PDCD11: variants seen among roughly 807,000 people sequenced by gnomAD.
PDCD11 encodes the protein programmed cell death 11.
Under a neutral mutation model 198.9 loss-of-function variants are expected in PDCD11, and 97 were observed. The observed-to-expected ratio is 0.49, with a 90% CI of 0.41 to 0.58. PDCD11 has a LOEUF of 0.58. PDCD11 is among the 20% of genes least tolerant of loss of function. The pLI, the probability that PDCD11 is intolerant of heterozygous loss-of-function variation, is 0.00. For missense variants in PDCD11, 2,102 were observed against 2,312.7 expected, an observed-to-expected ratio of 0.91 and a Z score of 1.87; for synonymous variants, 893 against 918.0, an observed-to-expected ratio of 0.97 and a Z score of 0.49.
At chr10:103,411,509 A>G (rs748643316) in intron 8 of PDCD11, among the ~76,000 whole-genome samples, 195 of 151,892 alleles carry the variant, frequency 1.3e-3, no homozygotes, top group Middle Eastern at 3.4e-3. Flanking sequence ...GGGACTACGG[A>G]TGCATGCCAC....
At position 103,405,036 on chromosome 10, in the gene PDCD11, G is replaced by A; in HGVS notation, c.417G>A (p.Leu139=). The change falls in exon 5 of 36, where the codon TTG becomes TTA. Residue 139 remains leucine (L), a synonymous_variant. Coordinates refer to ENST00000369797, the MANE Select transcript of PDCD11 (RefSeq NM_014976.2). ...QEQPLKDLLH[L]PELFSPGMLV... ...GTGTTATGCAGGACCTACTTCACTT[G>A]CCTGAACTTTTCTCACCTGGAATGC... The A allele has an allele frequency of 1.2e-6, 2 of 1,613,900 alleles. No individual in the cohort carries two copies. Among genetic ancestry groups the A allele is most frequent in the South Asian group, 2.2e-5 (2 of 91,066 alleles).
intron 7 of PDCD11, among the ~76,000 whole-genome samples, 196 bp from the exon 8 acceptor site, chr10:103,409,503 A>G (rs1281448770): frequency 1.3e-5 from 2 of 152,148 alleles, no homozygotes; most frequent in Non-Finnish European, 2.9e-5. Flanking sequence ...TGAGCCTACT[A>G]AGGAAAGAAA....
chr10:103,409,663 G>T lies in PDCD11; in HGVS notation c.871-36G>T, dbSNP rs781618555. ...GTCTCACATTCCTGGTTCTTTCAAA[G>T]AACTTTTTTTTATAACTTGTTCTGT... On this transcript the variant is annotated intron_variant, in intron 7 of 35. Transcript: ENST00000369797. 23 of 1,510,782 alleles carry T rather than the reference G, an allele frequency of 1.5e-5. No individual in the cohort carries two copies. In the East Asian group the frequency reaches 2.9e-4, roughly 19 times the overall value. 93.6% of individuals were successfully genotyped at this position (1,510,782 alleles called of 1,614,324 possible). A position where few individuals can be genotyped will look rare whatever the true frequency, so the allele number is the denominator to read the frequency against.
Position 103,446,014 on chromosome 10 carries a change from C to T in PDCD11, c.*465C>T, listed in dbSNP as rs2032592951. The stretch of plus-strand genomic sequence containing the variant: ...CTGGGTGTTCCTTCAGCCTCAGCCT[C>T]ACTGGTACCTTCTGCCCTTTAGGGG... On this transcript the variant is annotated 3_prime_UTR_variant, in exon 36 of 36. Coordinates refer to ENST00000369797, the MANE Select transcript of PDCD11 (RefSeq NM_014976.2). 1 of 162,410 alleles carries T rather than the reference C, an allele frequency of 6.2e-6. No homozygotes were observed. Among genetic ancestry groups the T allele is most frequent in the Non-Finnish European group, 1.4e-5 (1 of 73,474 alleles). 10.1% of individuals were successfully genotyped at this position (162,410 alleles called of 1,614,324 possible).
chr10:103,402,349 G>A (rs1227016833), intron 3 of PDCD11, among the ~76,000 whole-genome samples: 1 of 152,062 alleles, frequency 6.6e-6, no homozygotes. Flanking sequence ...TACAGTGCTC[G>A]GTCAGATATT....
At chr10:103,424,006 C>G (rs1303602585) in intron 19 of PDCD11, among the ~76,000 whole-genome samples, 1 of 152,128 alleles carries the variant, frequency 6.6e-6, no homozygotes, top group Non-Finnish European at 1.5e-5. Context: ...TCAGTCCCGC[C>G]CAATTGTTGC....
At chr10:103,445,129 G>A (rs2032550403) in intron 35 of PDCD11, among the ~76,000 whole-genome samples, 1 of 152,174 alleles carries the variant, frequency 6.6e-6, no homozygotes, top group Admixed American at 6.5e-5. Flanking sequence ...ATCACTGTGT[G>A]GCTTTAGGCA....
rs778717527 is a variant in PDCD11 at position 103,415,132 on chromosome 10, G to A, written c.1499G>A (p.Gly500Glu). Residue 500 changes from glycine to glutamate, a missense_variant, in exon 12 of 36, where the codon GGG becomes GAG. By Grantham distance (98) the Gly-to-Glu change is moderately conservative. Coordinates refer to ENST00000369797, the MANE Select transcript of PDCD11 (RefSeq NM_014976.2). ...AATCCGGAGAAGAAGTACCACATCG[G>A]GGATGAGGTCAAGTGCCGGGTGAGC... ...MKNPEKKYHI[G>E]DEVKCRVLLC... is the part of the protein sequence containing the mutation. 1 of 1,613,988 alleles carries A rather than the reference G, an allele frequency of 6.2e-7. No homozygotes were observed. The highest frequency in any genetic ancestry group is 8.5e-7 in the Non-Finnish European group (1 of 1,180,018).
chr10:103,440,001 CTTTG>C, intron 28 of PDCD11, 133 bp downstream of exon 28: 2 of 1,141,330 alleles, frequency 1.8e-6, no homozygotes, highest in Non-Finnish European at 2.5e-6. Flanking sequence ...AATAAAAGGC[CTTTG>C]TTTGGAACCT....
intron 6 of PDCD11, 35 bp from the exon 7 acceptor site, chr10:103,406,574 A>T (rs762539305): frequency 3.8e-6 from 6 of 1,596,732 alleles, no homozygotes; most frequent in Non-Finnish European, 5.1e-6. Flanking sequence ...TCATAGATAC[A>T]TTTTTCCTTT....
intron 30 of PDCD11, 139 bp downstream of exon 30, chr10:103,440,989 C>G: frequency 1.6e-6 from 1 of 618,504 alleles, no homozygotes; most frequent in Non-Finnish European, 2.9e-6. Context: ...TGACCGTCAG[C>G]TCCTTGAGGA....
intron 21 of PDCD11, among the ~76,000 whole-genome samples, chr10:103,431,078 T>G (rs1392491657): frequency 6.6e-6 from 1 of 152,096 alleles, no homozygotes; most frequent in Non-Finnish European, 1.5e-5. Flanking sequence ...GGGGCAATTC[T>G]TACTTTACTA....
At position 103,445,733 on chromosome 10, in the gene PDCD11, G is replaced by T; in HGVS notation, c.*184G>T. Reference sequence around the variant, plus strand: ...AGATTTTTTAAATCCCTCTTCGCTTGCTTTATTTTCAGTACCAACTTGTTA... The same window carrying T: ...AGATTTTTTAAATCCCTCTTCGCTTTCTTTATTTTCAGTACCAACTTGTTA... On this transcript the variant is annotated 3_prime_UTR_variant, in exon 36 of 36. Transcript: ENST00000369797. 1.7e-6 allele frequency: 1 copy of T among 572,644 alleles called. No homozygotes were observed. The highest frequency in any genetic ancestry group is 2.4e-5 in the South Asian group (1 of 41,610). The allele number at this position is 572,644 out of a possible 1,614,324, so 35.5% of individuals were successfully genotyped here. A position where few individuals can be genotyped will look rare whatever the true frequency, so the allele number is the denominator to read the frequency against.
chr10:103,414,439 A>C, intron 11 of PDCD11, 109 bp downstream of exon 11: 1 of 727,144 alleles, frequency 1.4e-6, no homozygotes, highest in Non-Finnish European at 2.3e-6. Context: ...ATTGAATGTC[A>C]TGTTCCTTGC....
intron 8 of PDCD11, among the ~76,000 whole-genome samples, chr10:103,411,116 C>G (rs931122123): frequency 2.6e-5 from 4 of 151,656 alleles, no homozygotes; most frequent in African/African-American, 9.7e-5. Flanking sequence ...GAGGTCTCGC[C>G]ATGTTGCCCA....
At chr10:103,415,172 C>T (rs747015775) in intron 12 of PDCD11, 21 bp downstream of exon 12, 1 of 1,612,792 alleles carries the variant, frequency 6.2e-7, no homozygotes, top group East Asian at 2.2e-5. Context: ...TGAAGGGTCT[C>T]TTGGGGTTTT....
intron 1 of PDCD11, among the ~76,000 whole-genome samples, chr10:103,397,447 T>C (rs1246345640): frequency 2.0e-5 from 3 of 152,222 alleles, no homozygotes; most frequent in African/African-American, 7.2e-5. Context: ...TCTCCTTTAA[T>C]TTTTTTGAGA....
chr10:103,443,672 T>C (rs1399461249), intron 33 of PDCD11, among the ~76,000 whole-genome samples: 1 of 152,196 alleles, frequency 6.6e-6, no homozygotes, highest in African/African-American at 2.4e-5. Flanking sequence ...TCTCATGTTC[T>C]AGGCTAGGAC....
Position 103,413,405 on chromosome 10 carries a change from T to G in PDCD11, c.1185+83T>G, listed in dbSNP as rs991747581. 3.1e-5 allele frequency: 34 copies of G among 1,105,752 alleles called. No homozygotes were observed. In the East Asian group the frequency reaches 5.6e-4, roughly 18 times the overall value. 68.5% of individuals were successfully genotyped at this position (1,105,752 alleles called of 1,614,324 possible). On this transcript the variant is annotated intron_variant, in intron 9 of 35. Transcript: ENST00000369797. ...CAGGGGGCCATTTCTGCTTCTTTCA[T>G]TCCTTGATGCTAGTTTAAAATTTTT...
Sources: gnomAD v4.1 joint callset for allele counts (sites outside exome capture counted in the v4.1 genomes callset) on GRCh38, gnomAD v4.1.1 for gene constraint, MANE v1.5 for transcripts, NCBI Gene and HGNC (gene_info 2026-07-23, HGNC 2026-07-21) for gene names.